The following CFAP299 variants were observed in gnomAD, a reference collection of about 807,000 sequenced individuals.
CFAP299 encodes cilia and flagella associated protein 299.
In CFAP299, 21 loss-of-function variants were observed where a neutral mutation model predicts 27.0. That is an observed-to-expected ratio of 0.78 (90% CI 0.55 to 1.12). CFAP299 has a LOEUF of 1.12. Among genes scored for constraint, CFAP299 ranks in the 50% most tolerant of loss-of-function variants. CFAP299 has a pLI of 0.00. For synonymous variants in CFAP299, 104 were observed against 98.1 expected (o/e 1.06, Z -0.36); for missense variants, 310 against 276.6 (o/e 1.12, Z -0.86).
chr4:80,871,233 T>G, intron 4 of CFAP299: 2 of 985,448 alleles, frequency 2.0e-6, no homozygotes, highest in African/African-American at 3.5e-5. Context: ...TGGACTTAGC[T>G]CTTTCCTGTC....
intron 2 of CFAP299, among the ~76,000 whole-genome samples, chr4:80,451,411 A>T (rs895610231): frequency 6.6e-6 from 1 of 152,212 alleles, no homozygotes; most frequent in Non-Finnish European, 1.5e-5. Context: ...CAAACACATG[A>T]ATTTTGAGAG....
intron 2 of CFAP299, among the ~76,000 whole-genome samples, chr4:80,543,190 C>T (rs1006349909): frequency 6.6e-6 from 1 of 152,118 alleles, no homozygotes; most frequent in African/African-American, 2.4e-5. Flanking sequence ...ATAATGATCA[C>T]AAAAACAAAA....
At chr4:80,781,644 T>G (rs541659711) in intron 3 of CFAP299, among the ~76,000 whole-genome samples, 1 of 152,214 alleles carries the variant, frequency 6.6e-6, no homozygotes, top group South Asian at 2.1e-4. Flanking sequence ...GGTTGTGCAC[T>G]GATTTTCTAT....
rs188927718 is a variant in CFAP299 at position 80,838,277 on chromosome 4, T to C, written c.334-31716T>C. Among the ~76,000 whole-genome samples the C allele has an allele frequency of 1.9e-3, 290 of 152,348 alleles. 3 individuals carry two copies. The highest frequency in any genetic ancestry group is 8.8e-3 in the Admixed American group (134 of 15,306). ...GGCTCTTTAGTTTAATTAGATCCCATTTGTCAATTTTGGCTTTTGTTGCCA... is the reference window on the plus strand; with the variant it reads ...GGCTCTTTAGTTTAATTAGATCCCACTTGTCAATTTTGGCTTTTGTTGCCA... On this transcript the variant is annotated intron_variant, in intron 3 of 5. Transcript: ENST00000358105.
At chr4:80,926,243 A>G (rs1409796646) in intron 4 of CFAP299, among the ~76,000 whole-genome samples, 1 of 152,098 alleles carries the variant, frequency 6.6e-6, no homozygotes, top group Non-Finnish European at 1.5e-5. Flanking sequence ...TGATGTGACT[A>G]GAGAGATGGC....
At position 80,897,633 on chromosome 4, in the gene CFAP299, C is replaced by T. The variant is rs147309366; in HGVS notation, c.476+27498C>T. On this transcript the variant is annotated intron_variant, in intron 4 of 5. Transcript: ENST00000358105. ...CCACAATCAGAAAACTGCATAACCA[C>T]GAAGCTCCTACCACTGTGGACAGCT... Among the ~76,000 whole-genome samples, 649 of 152,264 alleles carry T rather than the reference C, an allele frequency of 4.3e-3. 1 individual carries two copies. The highest frequency in any genetic ancestry group is 7.4e-3 in the Admixed American group (113 of 15,302).
intron 3 of CFAP299, among the ~76,000 whole-genome samples, chr4:80,590,507 G>A (rs6823400): frequency 0.66 from 100,667 of 151,666 alleles, 35,339 homozygotes; most frequent in Non-Finnish European, 0.77. Flanking sequence ...GTGTGGTGGC[G>A]GGTGCCTGTA....
chr4:80,594,019 T>G (rs1447041267), intron 3 of CFAP299, among the ~76,000 whole-genome samples: 1 of 152,238 alleles, frequency 6.6e-6, no homozygotes, highest in African/African-American at 2.4e-5. Context: ...CTAGCTTTTC[T>G]GAGATTGTTC....
intron 3 of CFAP299, among the ~76,000 whole-genome samples, chr4:80,710,248 A>G (rs1380110634): frequency 6.6e-6 from 1 of 152,148 alleles, no homozygotes; most frequent in African/African-American, 2.4e-5. Flanking sequence ...ATGGCAGAGG[A>G]TAATAGGATC....
intron 2 of CFAP299, among the ~76,000 whole-genome samples, chr4:80,458,647 A>G (rs1169988598): frequency 6.6e-6 from 1 of 152,136 alleles, no homozygotes; most frequent in Non-Finnish European, 1.5e-5. Context: ...TTCTGCATGG[A>G]AAGTCCCAAA....
At chr4:80,364,579 G>C (rs1174886044) in intron 2 of CFAP299, among the ~76,000 whole-genome samples, 1 of 152,108 alleles carries the variant, frequency 6.6e-6, no homozygotes, top group African/African-American at 2.4e-5. Flanking sequence ...ATCAGCAAAG[G>C]CCCTTTGTTT....
At chr4:80,542,690 T>C (rs980152451) in intron 2 of CFAP299, among the ~76,000 whole-genome samples, 41 of 152,040 alleles carry the variant, frequency 2.7e-4, no homozygotes, top group Middle Eastern at 6.8e-3. Context: ...ATTCACACAG[T>C]GTAGCCTCAC....
intron 3 of CFAP299, among the ~76,000 whole-genome samples, chr4:80,725,048 G>A (rs533549633): frequency 4.7e-5 from 7 of 149,922 alleles, no homozygotes; most frequent in South Asian, 4.3e-4. Flanking sequence ...AGGTTCAGGC[G>A]ATTGTCCTGC....
At chr4:80,371,241 C>T (rs567816355) in intron 2 of CFAP299, among the ~76,000 whole-genome samples, 4 of 152,258 alleles carry the variant, frequency 2.6e-5, no homozygotes, top group South Asian at 4.1e-4. Context: ...CACAGGATAG[C>T]GGGGCACTGG....
At position 80,640,206 on chromosome 4, in the gene CFAP299, A is replaced by G. The variant is rs551788577; in HGVS notation, c.333+57023A>G. Among the ~76,000 whole-genome samples the G allele has an allele frequency of 2.0e-3, 309 of 152,318 alleles. 2 individuals carry two copies. Among genetic ancestry groups the G allele is most frequent in the Non-Finnish European group, 3.8e-3 (259 of 68,032 alleles). ...TTGCTGGTGTGACTGCCCAGGAGTTATGGCTATGAAGCCGGCTCTGATTTA... is the reference window on the plus strand; with the variant it reads ...TTGCTGGTGTGACTGCCCAGGAGTTGTGGCTATGAAGCCGGCTCTGATTTA... On this transcript the variant is annotated intron_variant, in intron 3 of 5. Transcript: ENST00000358105.
chr4:80,697,720 A>G (rs1721197927), intron 3 of CFAP299, among the ~76,000 whole-genome samples: 2 of 152,164 alleles, frequency 1.3e-5, no homozygotes, highest in African/African-American at 4.8e-5. Flanking sequence ...ATTTAGCATA[A>G]TCTAACAGTC....
intron 3 of CFAP299, among the ~76,000 whole-genome samples, chr4:80,654,962 G>A (rs1740484628): frequency 6.6e-6 from 1 of 151,862 alleles, no homozygotes; most frequent in South Asian, 2.1e-4. Context: ...ATTTTCATCT[G>A]TTGAAGTAAC....
chr4:80,857,915 G>A (rs1223707881), intron 3 of CFAP299, among the ~76,000 whole-genome samples: 1 of 152,100 alleles, frequency 6.6e-6, no homozygotes, highest in East Asian at 1.9e-4. Flanking sequence ...GATGATGCTG[G>A]CCTCATAAAA....
At chr4:80,825,566 T>G (rs565675490) in intron 3 of CFAP299, among the ~76,000 whole-genome samples, 1 of 152,024 alleles carries the variant, frequency 6.6e-6, no homozygotes, top group East Asian at 1.9e-4. Context: ...ATCAGAAACT[T>G]TTGAGGTCAG....
Sources: allele counts gnomAD v4.1 joint callset (sites outside exome capture counted in the v4.1 genomes callset), GRCh38; gene constraint gnomAD v4.1.1; transcripts MANE v1.5; gene names NCBI Gene and HGNC (gene_info 2026-07-23, HGNC 2026-07-21).